KIF21B: variants seen among roughly 807,000 people sequenced by gnomAD.
KIF21B encodes kinesin-like protein KIF21B.
KIF21B carries 85 observed loss-of-function variants against 192.9 expected under a neutral mutation model. That is an observed-to-expected ratio of 0.44 (90% confidence interval 0.37 to 0.53). KIF21B has a LOEUF of 0.53. Among genes scored for constraint, KIF21B ranks in the 20% least tolerant of loss-of-function variants. The pLI, the probability that KIF21B is intolerant of heterozygous loss-of-function variation, is 0.00. For synonymous variants in KIF21B, 832 were observed against 884.6 expected, an observed-to-expected ratio of 0.94 and a Z score of 1.05; for missense variants, 1,716 against 2,194.8, an observed-to-expected ratio of 0.78 and a Z score of 4.36.
rs112760207 is a variant in KIF21B, at chr1:200,979,521, C to G, written c.4160+14G>C. On this transcript the variant is annotated intron_variant, in intron 30 of 34. Transcript: ENST00000461742. Reference sequence around the variant, plus strand: ...CTGCAGCCGACCACTGTGAGGCAGGCGGGGGTTACTCACGTGAGAGTCCGA... The same window carrying G: ...CTGCAGCCGACCACTGTGAGGCAGGGGGGGGTTACTCACGTGAGAGTCCGA... 2 of 1,517,494 alleles carry G rather than the reference C, an allele frequency of 1.3e-6. No individual in the cohort carries two copies. Among genetic ancestry groups the G allele is most frequent in the African/African-American group, 2.8e-5 (2 of 71,300 alleles). 94.0% of individuals were successfully genotyped at this position (1,517,494 alleles called of 1,614,324 possible).
chr1:200,991,441 G>A (rs1239145436), intron 17 of KIF21B, among the ~76,000 whole-genome samples: 1 of 152,248 alleles, frequency 6.6e-6, no homozygotes, highest in Non-Finnish European at 1.5e-5. Context: ...GACACAATTT[G>A]GACACCAAAT....
At chr1:200,996,132 G>A (rs1657048580) in intron 15 of KIF21B, 64 bp downstream of exon 15, 3 of 1,434,128 alleles carry the variant, frequency 2.1e-6, no homozygotes, top group East Asian at 2.3e-5. Context: ...TTACGATGGT[G>A]AGTGGATTCT....
At chr1:201,021,744 C>A (rs1000927502) in intron 1 of KIF21B, among the ~76,000 whole-genome samples, 2 of 152,118 alleles carry the variant, frequency 1.3e-5, no homozygotes, top group African/African-American at 4.8e-5. Context: ...AAGGAAACCC[C>A]CTGTGGAAAG....
At chr1:201,006,746 C>T (rs1235778431) in intron 3 of KIF21B, among the ~76,000 whole-genome samples, 2 of 151,600 alleles carry the variant, frequency 1.3e-5, no homozygotes, top group Admixed American at 1.3e-4. Flanking sequence ...GAGAGAGAAG[C>T]TTATTGAGAT....
At chr1:200,989,848 G>T (rs1006890972) in intron 21 of KIF21B, 94 bp downstream of exon 21, 20 of 938,502 alleles carry the variant, frequency 2.1e-5, no homozygotes, top group Non-Finnish European at 3.3e-5. Context: ...TGACGCAGGT[G>T]AGGAGGCGCC....
chr1:200,988,679 T>G, intron 22 of KIF21B, 87 bp downstream of exon 22: 1 of 1,528,472 alleles, frequency 6.5e-7, no homozygotes, highest in Non-Finnish European at 8.9e-7. Context: ...GGGGTGGTTC[T>G]GGGGAAGTGA....
chr1:201,007,908 T>A (rs1290983757), intron 3 of KIF21B, among the ~76,000 whole-genome samples: 1 of 152,094 alleles, frequency 6.6e-6, no homozygotes, highest in East Asian at 1.9e-4. Flanking sequence ...AGTCCATTTA[T>A]CAGAAGCGAA....
At position 200,970,213 on chromosome 1, in the gene KIF21B, T is replaced by G. The variant is rs1655147481; in HGVS notation, c.*3308A>C. Reference sequence around the variant, plus strand: ...CTGCAGCCACCTGCTGGTGTCTCCCTCCACCACATCAGGCACATGAGAAAG... The same window carrying G: ...CTGCAGCCACCTGCTGGTGTCTCCCGCCACCACATCAGGCACATGAGAAAG... On this transcript the variant is annotated 3_prime_UTR_variant, in exon 35 of 35. Transcript: ENST00000461742. 1 of 152,904 alleles carries G rather than the reference T, an allele frequency of 6.5e-6. No homozygotes were observed. Among genetic ancestry groups the G allele is most frequent in the South Asian group, 2.1e-4 (1 of 4,838 alleles). The allele number at this position is 152,904 out of a possible 1,614,324, so 9.5% of individuals were successfully genotyped here.
At chr1:200,986,352 C>T (rs896857413) in intron 26 of KIF21B, among the ~76,000 whole-genome samples, 4 of 143,520 alleles carry the variant, frequency 2.8e-5, no homozygotes, top group African/African-American at 5.3e-5. Context: ...ATTACATTTC[C>T]TTTTTTTTTT....
chr1:201,007,685 C>A (rs1316992413), intron 3 of KIF21B, among the ~76,000 whole-genome samples: 1 of 150,868 alleles, frequency 6.6e-6, no homozygotes, highest in Non-Finnish European at 1.5e-5. Context: ...GACACACGCA[C>A]AGACACACAC....
chr1:201,001,836 G>C (rs1657517061), intron 9 of KIF21B: 1 of 357,098 alleles, frequency 2.8e-6, no homozygotes, highest in South Asian at 4.4e-5. Flanking sequence ...ACTGAGAAAG[G>C]TGTGGGAAAA....
Position 201,009,153 on chromosome 1 carries a change from T to C in KIF21B, c.264+113A>G, listed in dbSNP as rs1053569586. 1.4e-5 allele frequency: 17 copies of C among 1,195,034 alleles called. 1 individual carries two copies. The Admixed American group carries it at 2.3e-4, about 16-fold the overall frequency. 74.0% of individuals were successfully genotyped at this position (1,195,034 alleles called of 1,614,324 possible). A position where few individuals can be genotyped will look rare whatever the true frequency, so the allele number is the denominator to read the frequency against. ...GCGGTGCAACGGCCTCCTTAGACAATAGACAAAACCCTGAGGCTATGTTTC... is the reference window on the plus strand; with the variant it reads ...GCGGTGCAACGGCCTCCTTAGACAACAGACAAAACCCTGAGGCTATGTTTC... On this transcript the variant is annotated intron_variant, in intron 2 of 34. Transcript: ENST00000461742.
At position 200,979,540 on chromosome 1, in the gene KIF21B, A is replaced by G. The variant is rs1301704206; in HGVS notation, c.4155T>C (p.Thr1385=). The change falls in exon 30 of 35, where the codon ACT becomes ACC. Residue 1385 remains threonine (T), a synonymous_variant. Transcript: ENST00000461742. The stretch of plus-strand genomic sequence containing the variant: ...GGCAGGCGGGGGTTACTCACGTGAG[A>G]GTCCGAATGCACTTGGCTGAGTCCC... ...DIRDSAKCIR[T]LTSSGQVISG... The G allele has an allele frequency of 5.8e-6, 9 of 1,543,988 alleles. No individual in the cohort carries two copies. In the African/African-American group the frequency reaches 1.1e-4, roughly 19 times the overall value.
rs561366120 is a variant in KIF21B at position 200,982,718 on chromosome 1, G to T, written c.3842+338C>A. Among the ~76,000 whole-genome samples the T allele has an allele frequency of 6.6e-5, 10 of 152,322 alleles. No homozygotes were observed. Among genetic ancestry groups the T allele is most frequent in the African/African-American group, 2.4e-4 (10 of 41,582 alleles). On this transcript the variant is annotated intron_variant, in intron 28 of 34. Transcript: ENST00000461742. This position sits in a 1 kb window ranked among gnomAD's most constrained non-coding sequence, Gnocchi z 4.7. ...ATTTCCCCTGCCTTCCAGTCGTGGA[G>T]AACTCAGCCCCAGCCCAGCATCCCC...
chr1:200,981,051 G>C lies in KIF21B; in HGVS notation c.3888C>G (p.Ala1296=). 2 of 1,609,204 alleles carry C rather than the reference G, an allele frequency of 1.2e-6. No homozygotes were observed. The highest frequency in any genetic ancestry group is 1.7e-6 in the Non-Finnish European group (2 of 1,178,244). ...CGGCCATGGAGACACACTGCAGTGG[G>C]GCCGTCCGTGCACCCTTGGCTCCTC... is the stretch of plus-strand genomic sequence containing the variant. The part of the protein sequence containing the change: ...PVGGAKGART[A]PLQCVSMAEG... Residue 1296 remains alanine, a synonymous_variant, in exon 29 of 35, where the codon GCC becomes GCG. Transcript: ENST00000461742.
chr1:200,990,918 G>A lies in KIF21B; in HGVS notation c.2686C>T (p.Arg896Ter), dbSNP rs760298858. ...CAGGGGACTGCCAGTCCACCTTACC[G>A]GGCAGGACGGGTGCCATTGACAGTG... ...APTVNGTRPA[R>*]KKFQKKGASQ... is the part of the protein sequence containing the mutation. The change falls in exon 18 of 35, where the codon CGA becomes TGA. Residue 896 changes from arginine (R) to a stop codon, truncating the protein, a stop_gained and splice_region_variant. Transcript: ENST00000461742. LOFTEE classifies it high-confidence loss of function. The surrounding 1 kb of genome is among the most constrained non-coding windows in gnomAD (Gnocchi z 5.4). The A allele has an allele frequency of 6.8e-6, 11 of 1,614,046 alleles. No individual in the cohort carries two copies. The highest frequency in any genetic ancestry group is 2.2e-5 in the East Asian group (1 of 44,876).
At chr1:200,986,378 G>A (rs1186812562) in intron 26 of KIF21B, among the ~76,000 whole-genome samples, 2 of 140,458 alleles carry the variant, frequency 1.4e-5, no homozygotes, top group Non-Finnish European at 3.0e-5. Context: ...TTTTTTTTGA[G>A]ACAGAGTCTC....
rs759136145 is a variant in KIF21B, at chr1:200,987,032, G to A, written c.3578C>T (p.Ser1193Leu). 3.1e-6 allele frequency: 5 copies of A among 1,614,054 alleles called. No homozygotes were observed. The highest frequency in any genetic ancestry group is 1.1e-5 in the South Asian group (1 of 91,076). ...VRDPYYRDRVSRTVSLPTRGS... is the reference protein window; with the variant it reads ...VRDPYYRDRVLRTVSLPTRGS... The stretch of plus-strand genomic sequence containing the variant: ...CCGGGTAGGCAGACTGACGGTGCGC[G>A]AGACCCTGTCCCGGTAATAGGGGTC... The change falls in exon 25 of 35, where the codon TCG becomes TTG. Residue 1193 changes from serine to leucine, a missense_variant. Physicochemically the swap from Ser to Leu is moderately radical, Grantham distance 145. Around this residue, in one of 3 missense-constraint regions of KIF21B, gnomAD observed 580 missense variants for 775.5 expected, o/e 0.75. Coordinates refer to ENST00000461742, the MANE Select transcript of KIF21B (RefSeq NM_001252102.2).
At position 200,969,531 on chromosome 1, in the gene KIF21B, T is replaced by C. The variant is rs867207043; in HGVS notation, c.*3990A>G. ...AGAGGTACAAAACATATATACACCT[T>C]GTGCTAGTCACATCATGGAGGACAG... On this transcript the variant is annotated 3_prime_UTR_variant, in exon 35 of 35. Transcript: ENST00000461742. 1.3e-5 allele frequency: 2 copies of C among 152,794 alleles called. No homozygotes were observed. The highest frequency in any genetic ancestry group is 2.9e-5 in the Non-Finnish European group (2 of 68,048). 9.5% of individuals were successfully genotyped at this position (152,794 alleles called of 1,614,324 possible).
Sources: allele counts gnomAD v4.1 joint callset (sites outside exome capture counted in the v4.1 genomes callset), GRCh38; gene constraint gnomAD v4.1.1; regional missense constraint gnomAD v4.1.1; non-coding constraint Gnocchi (gnomAD v3.1); transcripts MANE v1.5; gene names NCBI Gene and HGNC (gene_info 2026-07-23, HGNC 2026-07-21).